Variants in PDE6A observed in about 807,000 individuals in gnomAD.
PDE6A encodes the protein rod cGMP-specific 3',5'-cyclic phosphodiesterase subunit alpha.
A neutral mutation model predicts 106.3 loss-of-function variants in PDE6A; 84 were observed. That is an observed-to-expected ratio of 0.79 (90% confidence interval 0.66 to 0.95). PDE6A has a LOEUF of 0.95. Ranked by LOEUF, PDE6A falls within the 40% of genes least tolerant of loss-of-function variation. The probability of loss-of-function intolerance (pLI) is 0.00; values close to 1 mark genes in which losing one functional copy is unlikely to be tolerated. For missense variants in PDE6A, 1,052 were observed against 1,084.9 expected (o/e 0.97, Z 0.43); for synonymous variants, 394 against 386.6 (o/e 1.02, Z -0.23).
rs1328637052 is a variant in PDE6A at position 149,857,973 on chromosome 5, T to G, written c.*2922A>C. ...AAAAGTTCTAGAGCTAATGTCCATTTATTAGAATGAGACAGAGGAATGTGT... is the reference window on the plus strand; with the variant it reads ...AAAAGTTCTAGAGCTAATGTCCATTGATTAGAATGAGACAGAGGAATGTGT... On this transcript the variant is annotated 3_prime_UTR_variant, in exon 22 of 22. Transcript: ENST00000255266. 1 of 152,242 alleles carries G rather than the reference T, an allele frequency of 6.6e-6. No homozygotes were observed. Among genetic ancestry groups the G allele is most frequent in the African/African-American group, 2.4e-5 (1 of 41,460 alleles). 9.4% of individuals were successfully genotyped at this position (152,242 alleles called of 1,614,324 possible). A position where few individuals can be genotyped will look rare whatever the true frequency, so the allele number is the denominator to read the frequency against.
chr5:149,919,044 G>A (rs4705097), intron 5 of PDE6A, among the ~76,000 whole-genome samples: 29,777 of 152,042 alleles, frequency 0.2, 5,138 homozygotes, highest in African/African-American at 0.45. Context: ...CTGCCTGCGA[G>A]GGGGAGGAGG....
At chr5:149,872,615 A>G (rs1581154474) in intron 17 of PDE6A, among the ~76,000 whole-genome samples, 1 of 152,262 alleles carries the variant, frequency 6.6e-6, no homozygotes, top group East Asian at 1.9e-4. Context: ...CCTTCCTCTT[A>G]GCCAGCCCTT....
At chr5:149,933,837 C>A (rs1004651730) in intron 3 of PDE6A, 93 bp downstream of exon 3, 1 of 870,824 alleles carries the variant, frequency 1.1e-6, no homozygotes, top group Non-Finnish European at 1.9e-6. Flanking sequence ...GCTTCCTAGG[C>A]ACCTTCATTC....
chr5:149,896,485 A>G lies in PDE6A; in HGVS notation c.1491T>C (p.Asp497=). The G allele has an allele frequency of 2.5e-6, 4 of 1,614,186 alleles. No individual in the cohort carries two copies. The South Asian group carries it at 3.3e-5, about 13-fold the overall frequency. ...ATTTATTAATTTCGTATTTATCTGC[A>G]TCTGGCAGCTCCGCTTGCTGTATAA... ...LAEILQAELP[D]ADKYEINKFH... The change falls in exon 12 of 22, where the codon GAT becomes GAC. Residue 497 remains aspartate, a synonymous_variant. Coordinates refer to ENST00000255266, the MANE Select transcript of PDE6A (RefSeq NM_000440.3).
intron 17 of PDE6A, among the ~76,000 whole-genome samples, chr5:149,882,142 G>C (rs1274804280): frequency 1.3e-5 from 2 of 152,008 alleles, no homozygotes; most frequent in Non-Finnish European, 2.9e-5. Flanking sequence ...ACTGTGGGCT[G>C]AGCATGCCCC....
chr5:149,866,554 G>C, intron 19 of PDE6A: 3 of 340,700 alleles, frequency 8.8e-6, no homozygotes, highest in Non-Finnish European at 1.6e-5. Context: ...GATTAAAAGA[G>C]ACTTAAGAGA....
chr5:149,925,314 G>A (rs1317795372), intron 4 of PDE6A, among the ~76,000 whole-genome samples: 2 of 152,156 alleles, frequency 1.3e-5, no homozygotes, highest in Non-Finnish European at 2.9e-5. Context: ...AACTTTAGCA[G>A]AGAACTGGAA....
chr5:149,932,123 T>A (rs1754051326), intron 3 of PDE6A: 5 of 1,252,650 alleles, frequency 4.0e-6, no homozygotes, highest in Non-Finnish European at 5.9e-6. Context: ...GTTGTAGACG[T>A]CTATTTAGTT....
intron 8 of PDE6A, 63 bp downstream of exon 8, chr5:149,903,585 C>T (rs1753066335): frequency 7.9e-7 from 1 of 1,261,596 alleles, no homozygotes; most frequent in Non-Finnish European, 1.2e-6. Flanking sequence ...CTAATGTATT[C>T]TAATGCTCTT....
rs372074956 is a variant in PDE6A, at chr5:149,859,304, T to G, written c.*1591A>C. 1 of 152,238 alleles carries G rather than the reference T, an allele frequency of 6.6e-6. No individual in the cohort carries two copies. Among genetic ancestry groups the G allele is most frequent in the African/African-American group, 2.4e-5 (1 of 41,462 alleles). 9.4% of individuals were successfully genotyped at this position (152,238 alleles called of 1,614,324 possible). ...GAAACAACTAAATTCAATATGTGAATTTGTTTGGATCAGATTCAGGCAAGC... is the reference window on the plus strand; with the variant it reads ...GAAACAACTAAATTCAATATGTGAAGTTGTTTGGATCAGATTCAGGCAAGC... On this transcript the variant is annotated 3_prime_UTR_variant, in exon 22 of 22. Coordinates refer to ENST00000255266, the MANE Select transcript of PDE6A (RefSeq NM_000440.3).
intron 4 of PDE6A, among the ~76,000 whole-genome samples, chr5:149,930,338 A>G (rs1476522098): frequency 6.6e-6 from 1 of 152,200 alleles, no homozygotes; most frequent in Admixed American, 6.5e-5. Flanking sequence ...TCAGCATGAC[A>G]AGGCGTACAA....
chr5:149,863,201 C>T lies in PDE6A; in HGVS notation c.2424G>A (p.Glu808=), dbSNP rs10067462. 8.7e-3 allele frequency: 14,109 copies of T among 1,614,138 alleles called. 777 individuals carry two copies. In the African/African-American group the frequency reaches 0.14, roughly 16 times the overall value. Residue 808 remains glutamate, a synonymous_variant, in exon 21 of 22, where the codon GAG becomes GAA. Transcript: ENST00000255266. This position sits in a 1 kb window ranked among gnomAD's most constrained non-coding sequence, Gnocchi z 4.7. The part of the protein sequence containing the change: ...MLDGITNNRK[E]WKALADEYDA... ...CGTACTCATCAGCAAGCGCCTTCCA[C>T]TCCTTGCGATTGTTGGTGATCCCGT... is the stretch of plus-strand genomic sequence containing the variant.
At chr5:149,929,609 A>AAAAAAAAT (rs1753967649) in intron 4 of PDE6A, among the ~76,000 whole-genome samples, 1 of 145,296 alleles carries the variant, frequency 6.9e-6, no homozygotes, top group South Asian at 2.2e-4. Context: ...TCCGTCTCAA[A>AAAAAAAAT]AAATAAATAA....
intron 7 of PDE6A, among the ~76,000 whole-genome samples, chr5:149,906,820 G>A (rs937243535): frequency 3.3e-5 from 5 of 151,960 alleles, no homozygotes; most frequent in African/African-American, 4.8e-5. Context: ...TGCCCAGGCT[G>A]GAGTGCAATG....
chr5:149,932,044 A>G, intron 3 of PDE6A: 1 of 1,513,180 alleles, frequency 6.6e-7, no homozygotes, highest in Non-Finnish European at 9.2e-7. Flanking sequence ...TTAAGCAGCC[A>G]GAAAGCTACA....
At position 149,860,918 on chromosome 5, in the gene PDE6A, A is replaced by T. The variant is rs1468419866; in HGVS notation, c.2560T>A (p.Ser854Thr). The change falls in exon 22 of 22, where the codon TCC becomes ACC. Residue 854 changes from serine (S) to threonine (T), a missense_variant. Around this residue, in one of 3 missense-constraint regions of PDE6A, gnomAD observed 135 missense variants for 153.2 expected, o/e 0.88. Coordinates refer to ENST00000255266, the MANE Select transcript of PDE6A (RefSeq NM_000440.3). ...GNPSPGGATT[S>T]KSCCIQ ...TGTTACTGGATGCAGCAGGACTTGG[A>T]TGTAGTTGCACCCCCTGGGCTGGGG... 2.5e-6 allele frequency: 4 copies of T among 1,614,108 alleles called. 1 individual carries two copies. In the South Asian group the frequency reaches 4.4e-5, roughly 18 times the overall value.
chr5:149,872,580 C>T (rs1760601509), intron 17 of PDE6A, among the ~76,000 whole-genome samples: 1 of 152,160 alleles, frequency 6.6e-6, no homozygotes, highest in East Asian at 1.9e-4. Context: ...TGACTCCTGG[C>T]CAACTTTCAG....
chr5:149,920,887 C>CAGAGAGAG (rs147822187), intron 5 of PDE6A, among the ~76,000 whole-genome samples: 2 of 126,330 alleles, frequency 1.6e-5, no homozygotes, highest in Admixed American at 1.7e-4. Context: ...AAGAGAGAGA[C>CAGAGAGAG]AGAGAGAGAG....
intron 5 of PDE6A, among the ~76,000 whole-genome samples, chr5:149,917,210 G>A (rs1026646052): frequency 6.6e-6 from 1 of 151,872 alleles, no homozygotes; most frequent in Non-Finnish European, 1.5e-5. Flanking sequence ...AAACATACTG[G>A]AGGCGTGACT....
Sources: allele counts gnomAD v4.1 joint callset (sites outside exome capture counted in the v4.1 genomes callset), GRCh38; gene constraint gnomAD v4.1.1; regional missense constraint gnomAD v4.1.1; non-coding constraint Gnocchi (gnomAD v3.1); transcripts MANE v1.5; gene names NCBI Gene and HGNC (gene_info 2026-07-23, HGNC 2026-07-21).